The following YBX1 variants were observed in gnomAD, a reference collection of about 807,000 sequenced individuals.
The protein encoded by YBX1 is Y-box binding protein 1, also known as Y-box-binding protein 1.
YBX1 carries 3 observed loss-of-function variants against 41.4 expected under a neutral mutation model. The ratio of observed to expected loss-of-function variants is 0.07; its 90% CI spans 0.03 to 0.19. YBX1 has a LOEUF of 0.19. Among genes scored for constraint, YBX1 ranks in the 10% least tolerant of loss-of-function variants. The pLI is 1.00. For missense variants in YBX1, 274 were observed against 462.8 expected, an observed-to-expected ratio of 0.59 and a Z score of 3.74; for synonymous variants, 133 against 165.8, an observed-to-expected ratio of 0.80 and a Z score of 1.52.
In YBX1 at chr1:42,702,541, C is replaced by G. The variant is rs968413015; in HGVS notation, c.*592C>G. Among the ~76,000 whole-genome samples the G allele has an allele frequency of 2.6e-5, 4 of 152,176 alleles. No homozygotes were observed. Among genetic ancestry groups the G allele is most frequent in the African/African-American group, 9.7e-5 (4 of 41,430 alleles). ...TACTAAAAATTAGAAAATACATACT[C>G]TGATAACCTGGCCATTTTTCATTGA... On this transcript the variant is annotated 3_prime_UTR_variant, in exon 8 of 8. Coordinates refer to ENST00000321358, the MANE Select transcript of YBX1 (RefSeq NM_004559.5).
At chr1:42,688,285 TG>T (rs1178679066) in intron 2 of YBX1, among the ~76,000 whole-genome samples, 19 of 152,284 alleles carry the variant, frequency 1.2e-4, no homozygotes, top group African/African-American at 4.6e-4. Context: ...TGCAACAACC[TG>T]AAAACTTCAG....
rs949744068 is a variant in YBX1 at position 42,703,654 on chromosome 1, T to TA, written c.*1708dup. ...CTGCAGACGCACACAGTCCCTGACT[T>TA]AAACAGTGGTTTGACTTAGGGGCTT... On this transcript the variant is annotated 3_prime_UTR_variant, in exon 8 of 8. Coordinates refer to ENST00000321358, the MANE Select transcript of YBX1 (RefSeq NM_004559.5). Among the ~76,000 whole-genome samples, 3 of 152,310 alleles carry TA rather than the reference T, an allele frequency of 2.0e-5. No individual in the cohort carries two copies. The highest frequency in any genetic ancestry group is 7.2e-5 in the African/African-American group (3 of 41,586).
chr1:42,700,619 C>CT (rs1267368558), intron 6 of YBX1, among the ~76,000 whole-genome samples, 162 bp from the exon 7 acceptor site: 1 of 133,956 alleles, frequency 7.5e-6, no homozygotes, highest in Non-Finnish European at 1.6e-5. Context: ...TCCCCCCCCC[C>CT]CCAAAAAAAA....
intron 2 of YBX1, among the ~76,000 whole-genome samples, chr1:42,691,874 T>C (rs964643326): frequency 4.6e-5 from 7 of 152,202 alleles, no homozygotes; most frequent in African/African-American, 1.7e-4. Flanking sequence ...TTTTTTTATT[T>C]TTTTTGAGAT....
intron 7 of YBX1, among the ~76,000 whole-genome samples, chr1:42,701,351 T>C (rs778464254): frequency 1.3e-5 from 2 of 152,200 alleles, no homozygotes; most frequent in Non-Finnish European, 2.9e-5. Flanking sequence ...ATTTCACTAG[T>C]AAACAGAGGA....
chr1:42,685,167 G>A (rs12030181), intron 2 of YBX1, among the ~76,000 whole-genome samples: 1 of 152,166 alleles, frequency 6.6e-6, no homozygotes, highest in Admixed American at 6.5e-5. Flanking sequence ...AGTAGGCATA[G>A]GTTATGACAT....
rs1650640684 is a variant in YBX1 at position 42,702,935 on chromosome 1, TTTCTC to T, written c.*989_*993del. 6.6e-6 allele frequency among the ~76,000 whole-genome samples: 1 copy of T among 152,150 alleles called. No individual in the cohort carries two copies. The highest frequency in any genetic ancestry group is 1.5e-5 in the Non-Finnish European group (1 of 68,022). On this transcript the variant is annotated 3_prime_UTR_variant, in exon 8 of 8. Coordinates refer to ENST00000321358, the MANE Select transcript of YBX1 (RefSeq NM_004559.5). ...ATCCTAAGCCTAGTCTGGCTGATCT[TTTCTC>T]TTTTTGAGACGGAGTCTTGTTCTGT...
intron 2 of YBX1, among the ~76,000 whole-genome samples, chr1:42,688,882 T>C (rs1364939323): frequency 6.6e-6 from 1 of 152,242 alleles, no homozygotes; most frequent in African/African-American, 2.4e-5. Flanking sequence ...CATTTTCTTT[T>C]CTGTAGCTTT....
rs1048195909 is a variant in YBX1, at chr1:42,702,738, A to G, written c.*789A>G. The stretch of plus-strand genomic sequence containing the variant: ...ATTTGTTTCAGTGTGTCAATTGAAG[A>G]TGCCAATTGAAGTGTTAGGACAACC... On this transcript the variant is annotated 3_prime_UTR_variant, in exon 8 of 8. Transcript: ENST00000321358. Among the ~76,000 whole-genome samples, 8 of 152,180 alleles carry G rather than the reference A, an allele frequency of 5.3e-5. No homozygotes were observed. In the East Asian group the frequency reaches 1.5e-3, roughly 29 times the overall value.
chr1:42,682,812 GGGCGCGCGGCCGGTGGGCACCGACTCCGC>G lies in YBX1; in HGVS notation c.166+94_166+122del, dbSNP rs1239032227. On this transcript the variant is annotated intron_variant, in intron 1 of 7. Transcript: ENST00000321358. ...GTTAGCCGGAGCTGGGCGAGCCGGC[GGGCGCGCGGCCGGTGGGCACCGACTCCGC>G]GGCGCGCGGCCGCCCATCCCCCCCG... The G allele has an allele frequency of 1.2e-3, 1,192 of 1,002,332 alleles. 1 individual carries two copies. Among genetic ancestry groups the G allele is most frequent in the Middle Eastern group, 5.0e-3 (13 of 2,580 alleles). 62.1% of individuals were successfully genotyped at this position (1,002,332 alleles called of 1,614,324 possible).
At chr1:42,691,550 A>G (rs1446236284) in intron 2 of YBX1, among the ~76,000 whole-genome samples, 2 of 152,138 alleles carry the variant, frequency 1.3e-5, no homozygotes, top group African/African-American at 2.4e-5. Context: ...GATGATATTG[A>G]TATGTGAATA....
intron 2 of YBX1, among the ~76,000 whole-genome samples, chr1:42,692,211 C>T (rs1180338833): frequency 6.6e-6 from 1 of 152,198 alleles, no homozygotes; most frequent in Non-Finnish European, 1.5e-5. Flanking sequence ...ATTTGCCTTT[C>T]TTACTCTACC....
At chr1:42,683,357 G>A in intron 1 of YBX1, 46 bp from the exon 2 acceptor site, 1 of 1,613,022 alleles carries the variant, frequency 6.2e-7, no homozygotes, top group Non-Finnish European at 8.5e-7. Flanking sequence ...ATTTGGAAAA[G>A]GATAGCTGGT....
intron 3 of YBX1, among the ~76,000 whole-genome samples, chr1:42,695,349 A>G (rs1398320985): frequency 1.3e-5 from 2 of 152,224 alleles, no homozygotes; most frequent in Non-Finnish European, 2.9e-5. Flanking sequence ...TGGAGACCCA[A>G]TACCTGGGTT....
At chr1:42,684,471 A>G (rs781356790) in intron 2 of YBX1, among the ~76,000 whole-genome samples, 6 of 152,234 alleles carry the variant, frequency 3.9e-5, no homozygotes, top group Non-Finnish European at 5.9e-5. Context: ...CAGATGATTA[A>G]AAGAACAATG....
chr1:42,683,013 G>T (rs1054128501), intron 1 of YBX1: 23 of 275,968 alleles, frequency 8.3e-5, no homozygotes, highest in African/African-American at 5.3e-4. Context: ...TCCCCTCCCC[G>T]CCGACCGGCC....
intron 3 of YBX1, among the ~76,000 whole-genome samples, chr1:42,695,368 C>G (rs1302290008): frequency 6.6e-6 from 1 of 152,204 alleles, no homozygotes; most frequent in Non-Finnish European, 1.5e-5. Flanking sequence ...TTTAGAAAGT[C>G]TCCTTACTAA....
chr1:42,695,226 G>T (rs911967532), intron 3 of YBX1, among the ~76,000 whole-genome samples: 14 of 152,134 alleles, frequency 9.2e-5, no homozygotes, highest in Non-Finnish European at 7.4e-5. Flanking sequence ...GCAGTTCTGG[G>T]CAGCTTCACT....
intron 2 of YBX1, among the ~76,000 whole-genome samples, chr1:42,684,376 A>G (rs1650140268): frequency 6.6e-6 from 1 of 152,250 alleles, no homozygotes; most frequent in African/African-American, 2.4e-5. Context: ...AGCACTGGGT[A>G]TGCCAGTAGC....
Sources: gnomAD v4.1 joint callset for allele counts (sites outside exome capture counted in the v4.1 genomes callset) on GRCh38, gnomAD v4.1.1 for gene constraint, MANE v1.5 for transcripts, NCBI Gene and HGNC (gene_info 2026-07-23, HGNC 2026-07-21) for gene names.